KPNA3: variants seen among roughly 807,000 people sequenced by gnomAD.
The protein encoded by KPNA3 is importin subunit alpha-4.
KPNA3 carries 13 observed loss-of-function variants against 73.8 expected under a neutral mutation model. The ratio of observed to expected loss-of-function variants is 0.18; its 90% CI spans 0.11 to 0.28. KPNA3 has a LOEUF of 0.28. Among genes scored for constraint, KPNA3 ranks in the 10% least tolerant of loss-of-function variants. KPNA3 has a pLI of 1.00. For missense variants in KPNA3, 360 were observed against 618.1 expected, an observed-to-expected ratio of 0.58 and a Z score of 4.43; for synonymous variants, 186 against 206.9, an observed-to-expected ratio of 0.90 and a Z score of 0.87.
At chr13:49,756,377 C>T (rs745322811) in intron 1 of KPNA3, among the ~76,000 whole-genome samples, 11 of 152,160 alleles carry the variant, frequency 7.2e-5, no homozygotes, top group Admixed American at 3.9e-4. Flanking sequence ...CCATACATAG[C>T]GAGACTCAGC....
At chr13:49,743,118 A>C (rs750718436) in intron 2 of KPNA3, among the ~76,000 whole-genome samples, 5 of 152,296 alleles carry the variant, frequency 3.3e-5, no homozygotes, top group Middle Eastern at 3.4e-3. Context: ...AGGGAAAATG[A>C]AATATTCAAA....
chr13:49,770,365 G>A (rs907365430), intron 1 of KPNA3, among the ~76,000 whole-genome samples: 4 of 151,836 alleles, frequency 2.6e-5, no homozygotes, highest in East Asian at 3.9e-4. Flanking sequence ...TTATAAAGAC[G>A]AGGTCTCACT....
intron 2 of KPNA3, among the ~76,000 whole-genome samples, chr13:49,745,995 G>A (rs916108414): frequency 3.3e-5 from 5 of 150,284 alleles, no homozygotes; most frequent in African/African-American, 7.3e-5. Context: ...CCCGGGAGGC[G>A]GAGGTTGCAG....
Position 49,717,879 on chromosome 13 carries a change from C to T in KPNA3, c.771+1896G>A, listed in dbSNP as rs150852517. The stretch of plus-strand genomic sequence containing the variant: ...ACTTTGTCAACGAAGCTTTCTGCTT[C>T]GCTAGCAAAATTATCTGTGCTTCCA... On this transcript the variant is annotated intron_variant, in intron 10 of 16. Coordinates refer to ENST00000261667, the MANE Select transcript of KPNA3 (RefSeq NM_002267.4). 2.4e-3 allele frequency among the ~76,000 whole-genome samples: 368 copies of T among 152,314 alleles called. 4 individuals carry two copies. The highest frequency in any genetic ancestry group is 3.9e-3 in the Non-Finnish European group (266 of 68,020).
chr13:49,739,339 T>C (rs1039858698), intron 2 of KPNA3, among the ~76,000 whole-genome samples: 2 of 152,212 alleles, frequency 1.3e-5, no homozygotes, highest in African/African-American at 4.8e-5. Flanking sequence ...CGAAGCATTA[T>C]TCAACCAACA....
chr13:49,723,353 C>G (rs551392616), intron 7 of KPNA3, among the ~76,000 whole-genome samples: 2 of 152,126 alleles, frequency 1.3e-5, no homozygotes, highest in South Asian at 2.1e-4. Flanking sequence ...AGATGGATCA[C>G]CAGGTCAGGA....
At chr13:49,727,207 G>A (rs1825478575) in intron 6 of KPNA3, among the ~76,000 whole-genome samples, 1 of 152,082 alleles carries the variant, frequency 6.6e-6, no homozygotes, top group Non-Finnish European at 1.5e-5. Context: ...CAGCACTTTG[G>A]GAGGCCAAGG....
At chr13:49,757,981 A>G (rs1954725959) in intron 1 of KPNA3, among the ~76,000 whole-genome samples, 1 of 152,124 alleles carries the variant, frequency 6.6e-6, no homozygotes, top group Non-Finnish European at 1.5e-5. Context: ...ATCTACAATC[A>G]CCTCAAAATA....
rs1224312802 is a variant in KPNA3 at position 49,709,694 on chromosome 13, C to A, written c.910G>T (p.Ala304Ser). The change falls in exon 12 of 17, where the codon GCC becomes TCC. Residue 304 changes from alanine (A) to serine (S), a missense_variant. By Grantham distance (99) the Ala-to-Ser change is moderately conservative. This residue lies in a region of KPNA3 where 287 missense variants were observed against 549.1 expected (regional missense o/e 0.52). Coordinates refer to ENST00000261667, the MANE Select transcript of KPNA3 (RefSeq NM_002267.4). ...SHQEVKVQTA[A>S]LRAVGNIVTG... ...ACTATGTTGCCAACTGCTCTGAGGG[C>A]TGCTGTCTAGGGTGGGGATAAAATG... The A allele has an allele frequency of 1.2e-6, 2 of 1,613,358 alleles. No homozygotes were observed. The highest frequency in any genetic ancestry group is 2.2e-5 in the East Asian group (1 of 44,848).
chr13:49,749,624 TA>T (rs961776876), intron 1 of KPNA3, among the ~76,000 whole-genome samples: 7 of 152,302 alleles, frequency 4.6e-5, no homozygotes, highest in Non-Finnish European at 2.9e-5. Context: ...ATCTCCAGTC[TA>T]AAAGTACTAT....
At chr13:49,706,010 C>G in intron 14 of KPNA3, 88 bp downstream of exon 14, 1 of 1,238,372 alleles carries the variant, frequency 8.1e-7, no homozygotes, top group South Asian at 1.4e-5. Context: ...CCAAAAAGAA[C>G]ACAATACAGT....
In KPNA3 at chr13:49,733,282, GTTTTT is replaced by G. The variant is rs760449062; in HGVS notation, c.115-241_115-237del. On this transcript the variant is annotated intron_variant, in intron 2 of 16. Coordinates refer to ENST00000261667, the MANE Select transcript of KPNA3 (RefSeq NM_002267.4). ...CACTTCATTAAGCACCCACTGTGGT[GTTTTT>G]TTTTTTTTTTTTTTTTGGAGACAAG... Among the ~76,000 whole-genome samples, 16 of 100,908 alleles carry G rather than the reference GTTTTT, an allele frequency of 1.6e-4. No homozygotes were observed. The East Asian group carries it at 2.8e-3, about 17-fold the overall frequency. 66.2% of individuals were successfully genotyped at this position (100,908 alleles called of 152,430 possible). A position where few individuals can be genotyped will look rare whatever the true frequency, so the allele number is the denominator to read the frequency against.
chr13:49,700,270 G>A lies in KPNA3; in HGVS notation c.*1530C>T, dbSNP rs892361460. The A allele has an allele frequency of 2.0e-5, 3 of 152,584 alleles. No individual in the cohort carries two copies. The highest frequency in any genetic ancestry group is 7.2e-5 in the African/African-American group (3 of 41,438). The allele number at this position is 152,584 out of a possible 1,614,324, so 9.5% of individuals were successfully genotyped here. ...GATTCACAAAGCTCTGATGGCATCT[G>A]TCTCATCTTCATCACAGTAAATACA... is the stretch of plus-strand genomic sequence containing the variant. On this transcript the variant is annotated 3_prime_UTR_variant, in exon 17 of 17. Coordinates refer to ENST00000261667, the MANE Select transcript of KPNA3 (RefSeq NM_002267.4).
intron 15 of KPNA3, among the ~76,000 whole-genome samples, chr13:49,703,236 T>C (rs777193277): frequency 2.5e-4 from 34 of 135,438 alleles, no homozygotes; most frequent in Non-Finnish European, 4.5e-4. Flanking sequence ...AGGGCTGGAG[T>C]GCAGTGGCAC....
intron 12 of KPNA3, among the ~76,000 whole-genome samples, chr13:49,708,887 G>A (rs894854370): frequency 2.6e-5 from 4 of 152,170 alleles, no homozygotes; most frequent in South Asian, 2.1e-4. Flanking sequence ...TAGGCACCTC[G>A]TCTTTGGGTC....
chr13:49,788,572 A>T (rs1955003507), intron 1 of KPNA3, among the ~76,000 whole-genome samples: 1 of 152,062 alleles, frequency 6.6e-6, no homozygotes, highest in South Asian at 2.1e-4. Context: ...CACAAAAATT[A>T]GCCAGGTGTG....
At chr13:49,771,157 C>A (rs6561561) in intron 1 of KPNA3, among the ~76,000 whole-genome samples, 149,576 of 149,580 alleles carry the variant, frequency 1, 74,786 homozygotes, top group Middle Eastern at 1. Flanking sequence ...GAAAAAGAAG[C>A]CAAAAGAAAA....
Position 49,743,101 on chromosome 13 carries a change from CA to C in KPNA3, c.114+3847del, listed in dbSNP as rs764124260. 3.9e-5 allele frequency among the ~76,000 whole-genome samples: 6 copies of C among 152,188 alleles called. No individual in the cohort carries two copies. The East Asian group carries it at 9.7e-4, about 24-fold the overall frequency. On this transcript the variant is annotated intron_variant, in intron 2 of 16. Coordinates refer to ENST00000261667, the MANE Select transcript of KPNA3 (RefSeq NM_002267.4). The stretch of plus-strand genomic sequence containing the variant: ...TTATTATCTGCACTTTAGAAGCTTA[CA>C]ATCTAAGGGAAAATGAAATATTCAA...
intron 1 of KPNA3, among the ~76,000 whole-genome samples, chr13:49,753,589 C>G (rs1220261926): frequency 1.3e-5 from 2 of 152,222 alleles, no homozygotes; most frequent in African/African-American, 4.8e-5. Flanking sequence ...AAGGTAGGCC[C>G]AATCCCTGGG....
Sources: allele counts gnomAD v4.1 joint callset (sites outside exome capture counted in the v4.1 genomes callset), GRCh38; gene constraint gnomAD v4.1.1; regional missense constraint gnomAD v4.1.1; transcripts MANE v1.5; gene names NCBI Gene and HGNC (gene_info 2026-07-23, HGNC 2026-07-21).